The following ENOX2 variants were observed in gnomAD, a reference collection of about 807,000 sequenced individuals.
ENOX2 encodes APK1 antigen.
A neutral mutation model predicts 45.0 loss-of-function variants in ENOX2; 36 were observed. The ratio of observed to expected loss-of-function variants is 0.80; its 90% CI spans 0.61 to 1.06. The LOEUF is 1.06. ENOX2 is among the 50% of genes least tolerant of loss of function. The pLI is 0.00. For synonymous variants in ENOX2, 174 were observed against 152.3 expected (o/e 1.14, Z -1.05); for missense variants, 423 against 462.5 (o/e 0.91, Z 0.78).
intron 2 of ENOX2, among the ~76,000 whole-genome samples, chrX:130,784,550 A>AG (rs759655513): frequency 6.5e-5 from 7 of 108,431 alleles, no homozygotes; most frequent in South Asian, 8.1e-4. Flanking sequence ...ATCCTATCAA[A>AG]GGGGGGGAAA....
chrX:130,648,455 G>A (rs2036303549), intron 10 of ENOX2, among the ~76,000 whole-genome samples: 1 of 110,136 alleles, frequency 9.1e-6, no homozygotes, highest in Non-Finnish European at 1.9e-5. Flanking sequence ...AAAAAAGAAG[G>A]AATTAAACAA....
chrX:130,689,326 T>C (rs2037529808), intron 4 of ENOX2, among the ~76,000 whole-genome samples: 1 of 111,382 alleles, frequency 9.0e-6, no homozygotes, highest in Non-Finnish European at 1.9e-5. Flanking sequence ...CAACACACAC[T>C]CTCTGCTCCA....
chrX:130,852,653 T>C (rs937070206), intron 2 of ENOX2, among the ~76,000 whole-genome samples: 6 of 111,228 alleles, frequency 5.4e-5, no homozygotes, highest in African/African-American at 2.0e-4. Context: ...TACTGTGTCC[T>C]GAGTTGGAAG....
intron 2 of ENOX2, among the ~76,000 whole-genome samples, chrX:130,784,436 A>C: frequency 9.0e-6 from 1 of 111,671 alleles, no homozygotes; most frequent in Non-Finnish European, 1.9e-5. Context: ...AGCACCTGGA[A>C]TTTCAAGTGT....
In ENOX2 at chrX:130,659,212, T is replaced by C. The variant is rs182992665; in HGVS notation, c.1015-2517A>G. On this transcript the variant is annotated intron_variant, in intron 9 of 14. Transcript: ENST00000394363. ...ATGGATTTTTAAATAATTAATGGTG[T>C]AGTCATTATCACAACCAACATCCTC... 1.3e-3 allele frequency among the ~76,000 whole-genome samples: 146 copies of C among 112,358 alleles called. 1 individual carries two copies. Among genetic ancestry groups the C allele is most frequent in the Middle Eastern group, 4.6e-3 (1 of 216 alleles).
At chrX:130,873,453 A>C (rs1407528539) in intron 2 of ENOX2, among the ~76,000 whole-genome samples, 2 of 112,094 alleles carry the variant, frequency 1.8e-5, no homozygotes, top group Middle Eastern at 4.2e-3. Context: ...GTGGGAGTGT[A>C]AATTAGTTCA....
At chrX:130,853,335 G>C (rs2078247412) in intron 2 of ENOX2, among the ~76,000 whole-genome samples, 2 of 107,461 alleles carry the variant, frequency 1.9e-5, no homozygotes, top group South Asian at 8.4e-4. Context: ...GTAGTGGCGG[G>C]CGCCTGTAGT....
chrX:130,704,706 G>A lies in ENOX2; in HGVS notation c.-38-1452C>T, dbSNP rs144917227. The stretch of plus-strand genomic sequence containing the variant: ...TTGGTCAGAACAAGCAAATGTAAAT[G>A]TCTAAAAACATTATTTCTGAAATAT... On this transcript the variant is annotated intron_variant, in intron 3 of 14. Transcript: ENST00000394363. Among the ~76,000 whole-genome samples the A allele has an allele frequency of 2.7e-4, 30 of 112,205 alleles. No individual in the cohort carries two copies. The East Asian group carries it at 8.4e-3, about 31-fold the overall frequency.
chrX:130,641,006 T>C (rs766669684), intron 10 of ENOX2, among the ~76,000 whole-genome samples: 4 of 111,422 alleles, frequency 3.6e-5, no homozygotes, highest in Non-Finnish European at 7.5e-5. Flanking sequence ...ACATGTGTAA[T>C]GGGAATACCT....
At chrX:130,868,556 T>C (rs1032941507) in intron 2 of ENOX2, among the ~76,000 whole-genome samples, 3 of 112,242 alleles carry the variant, frequency 2.7e-5, no homozygotes, top group African/African-American at 9.7e-5. Context: ...GTCTACACTA[T>C]GCCTGAAACT....
At position 130,665,682 on chromosome X, in the gene ENOX2, G is replaced by A; in HGVS notation, c.975C>T (p.Ala325=). 8.3e-7 allele frequency: 1 copy of A among 1,206,774 alleles called. No individual in the cohort carries two copies. Among genetic ancestry groups the A allele is most frequent in the Non-Finnish European group, 1.1e-6 (1 of 892,954 alleles). ...ACCACACGCTGATGTTCTTCCGCTG[G>A]GCTTTTGTGAAGTGGTCCCATGCCT... ...KQKAWDHFTK[A]QRKNISVWCK... The change falls in exon 9 of 15, where the codon GCC becomes GCT. Residue 325 remains alanine, a synonymous_variant. Transcript: ENST00000394363.
intron 13 of ENOX2, 85 bp from the exon 14 acceptor site, chrX:130,628,128 A>G (rs2035599074): frequency 3.2e-6 from 2 of 615,925 alleles, no homozygotes; most frequent in Non-Finnish European, 5.6e-6. Context: ...GAGCTGACTC[A>G]TATGTACAAC....
chrX:130,673,649 A>T (rs974642544), intron 6 of ENOX2, among the ~76,000 whole-genome samples: 2 of 112,101 alleles, frequency 1.8e-5, no homozygotes, highest in African/African-American at 6.5e-5. Flanking sequence ...GGAATTTAAA[A>T]CAATGAATAA....
intron 2 of ENOX2, among the ~76,000 whole-genome samples, chrX:130,837,421 C>G (rs1355540420): frequency 8.9e-6 from 1 of 112,057 alleles, no homozygotes; most frequent in Non-Finnish European, 1.9e-5. Flanking sequence ...CATGTCAAAT[C>G]AGATTTGTAT....
At chrX:130,855,795 G>A (rs2078297124) in intron 2 of ENOX2, among the ~76,000 whole-genome samples, 1 of 111,590 alleles carries the variant, frequency 9.0e-6, no homozygotes, top group African/African-American at 3.3e-5. Flanking sequence ...CCACAGATTG[G>A]CAAAAATATA....
chrX:130,856,515 A>G (rs966530669), intron 2 of ENOX2, among the ~76,000 whole-genome samples: 3 of 111,473 alleles, frequency 2.7e-5, no homozygotes, highest in African/African-American at 9.8e-5. Flanking sequence ...TTGATTCACT[A>G]TTACTCCTAG....
chrX:130,841,590 A>G (rs912584878), intron 2 of ENOX2, among the ~76,000 whole-genome samples: 6 of 111,926 alleles, frequency 5.4e-5, no homozygotes, highest in African/African-American at 1.9e-4. Flanking sequence ...CTGTCCCTCA[A>G]CTGTGACTGA....
intron 2 of ENOX2, among the ~76,000 whole-genome samples, chrX:130,843,800 C>T (rs1377280313): frequency 8.9e-6 from 1 of 111,968 alleles, no homozygotes; most frequent in Non-Finnish European, 1.9e-5. Context: ...TTAGGGGGTA[C>T]CTCATATATG....
chrX:130,789,930 T>C (rs1343585232), intron 2 of ENOX2, among the ~76,000 whole-genome samples: 2 of 112,341 alleles, frequency 1.8e-5, no homozygotes, highest in Non-Finnish European at 3.8e-5. Context: ...ACCCAACCAT[T>C]CCACCTGCTA....
Sources: allele counts gnomAD v4.1 joint callset (sites outside exome capture counted in the v4.1 genomes callset), GRCh38; gene constraint gnomAD v4.1.1; transcripts MANE v1.5; gene names NCBI Gene and HGNC (gene_info 2026-07-23, HGNC 2026-07-21).